Variants in ZNF804B observed in about 807,000 individuals in gnomAD.
ZNF804B encodes the protein zinc finger protein 804B.
ZNF804B carries 80 observed loss-of-function variants against 101.4 expected under a neutral mutation model. The observed-to-expected ratio is 0.79, with a 90% confidence interval of 0.66 to 0.95. The LOEUF (loss-of-function observed/expected upper bound fraction) is 0.95. Ranked by LOEUF, ZNF804B falls within the 40% of genes least tolerant of loss-of-function variation. The pLI, the probability that ZNF804B is intolerant of heterozygous loss-of-function variation, is 0.00. For missense variants in ZNF804B, 1,673 were observed against 1,561.9 expected (o/e 1.07, Z -1.20); for synonymous variants, 622 against 558.8 (o/e 1.11, Z -1.59).
rs1225774354 is a variant in ZNF804B at position 89,108,096 on chromosome 7, G to A, written c.109-110059G>A. 2.6e-5 allele frequency among the ~76,000 whole-genome samples: 4 copies of A among 152,244 alleles called. No individual in the cohort carries two copies. In the East Asian group the frequency reaches 7.7e-4, roughly 29 times the overall value. ...GAAACATCTGAACCGATTGGTAATA[G>A]AATGCAGTTTTACTGTATGAAAAAC... On this transcript the variant is annotated intron_variant, in intron 1 of 3. Coordinates refer to ENST00000333190, the MANE Select transcript of ZNF804B (RefSeq NM_181646.5).
chr7:89,250,350 T>A (rs73399130), intron 2 of ZNF804B, among the ~76,000 whole-genome samples: 17 of 152,150 alleles, frequency 1.1e-4, no homozygotes, highest in African/African-American at 4.1e-4. Flanking sequence ...ATGAATAAAT[T>A]CTTGGAATCA....
At chr7:88,816,472 C>T (rs1350456500) in intron 1 of ZNF804B, among the ~76,000 whole-genome samples, 1 of 151,906 alleles carries the variant, frequency 6.6e-6, no homozygotes, top group Non-Finnish European at 1.5e-5. Context: ...AACATTTTTG[C>T]AATCTACTCA....
In ZNF804B at chr7:88,946,950, CA is replaced by C. The variant is rs1472490031; in HGVS notation, c.108+186870del. ...CACTTGTCATTAGAGAAATGCAAAT[CA>C]AAACCATAATGAGATACCATCTCAC... is the stretch of plus-strand genomic sequence containing the variant. On this transcript the variant is annotated intron_variant, in intron 1 of 3. Transcript: ENST00000333190. 2.6e-5 allele frequency among the ~76,000 whole-genome samples: 4 copies of C among 152,056 alleles called. No individual in the cohort carries two copies. In the East Asian group the frequency reaches 5.9e-4, roughly 22 times the overall value.
chr7:88,845,623 C>T lies in ZNF804B; in HGVS notation c.108+85539C>T, dbSNP rs138396631. 6.6e-4 allele frequency among the ~76,000 whole-genome samples: 100 copies of T among 151,866 alleles called. No homozygotes were observed. In the East Asian group the frequency reaches 0.017, roughly 26 times the overall value. ...GCTACTGTTCTTCCTTGTTTTTCTG[C>T]CAAGAAAAATTTTCTTTTTTCTTTA... On this transcript the variant is annotated intron_variant, in intron 1 of 3. Coordinates refer to ENST00000333190, the MANE Select transcript of ZNF804B (RefSeq NM_181646.5).
At chr7:89,110,644 C>T (rs966456343) in intron 1 of ZNF804B, among the ~76,000 whole-genome samples, 1 of 152,076 alleles carries the variant, frequency 6.6e-6, no homozygotes, top group Admixed American at 6.6e-5. Flanking sequence ...TGAGTTTCTC[C>T]TATTATTAAC....
At chr7:89,241,380 T>C (rs1208821) in intron 2 of ZNF804B, among the ~76,000 whole-genome samples, 114,397 of 151,928 alleles carry the variant, frequency 0.75, 44,335 homozygotes, top group African/African-American at 0.91. Context: ...AACCACTACC[T>C]CTACTCCCTG....
chr7:89,191,848 T>G (rs1292656526), intron 1 of ZNF804B, among the ~76,000 whole-genome samples: 1 of 152,090 alleles, frequency 6.6e-6, no homozygotes, highest in Non-Finnish European at 1.5e-5. Context: ...GAGAGAGAAA[T>G]GTAAACTGGA....
At chr7:88,793,372 A>G (rs1272565841) in intron 1 of ZNF804B, among the ~76,000 whole-genome samples, 2 of 152,074 alleles carry the variant, frequency 1.3e-5, no homozygotes, top group Non-Finnish European at 2.9e-5. Flanking sequence ...TGGGCAGATA[A>G]TGTTTTCTGT....
intron 1 of ZNF804B, among the ~76,000 whole-genome samples, chr7:88,862,108 A>G (rs1791658754): frequency 6.6e-6 from 1 of 152,204 alleles, no homozygotes; most frequent in South Asian, 2.1e-4. Flanking sequence ...TCAGTTTAAT[A>G]GAACTTTTGG....
At chr7:88,799,174 T>A (rs1199144450) in intron 1 of ZNF804B, among the ~76,000 whole-genome samples, 1 of 152,104 alleles carries the variant, frequency 6.6e-6, no homozygotes, top group East Asian at 1.9e-4. Flanking sequence ...CAAATGCTCC[T>A]GAATAACAAA....
intron 1 of ZNF804B, among the ~76,000 whole-genome samples, chr7:88,892,656 G>C (rs1236002403): frequency 1.3e-5 from 2 of 152,098 alleles, no homozygotes; most frequent in Non-Finnish European, 2.9e-5. Context: ...TTCTGGAAAA[G>C]TCCTAGCCAT....
chr7:88,963,740 A>G (rs1403934746), intron 1 of ZNF804B, among the ~76,000 whole-genome samples: 1 of 151,318 alleles, frequency 6.6e-6, no homozygotes, highest in African/African-American at 2.4e-5. Context: ...TTTAAAGGAC[A>G]ACCTATGGAA....
chr7:89,069,325 A>G (rs1583968238), intron 1 of ZNF804B, among the ~76,000 whole-genome samples: 1 of 152,184 alleles, frequency 6.6e-6, no homozygotes, highest in East Asian at 1.9e-4. Context: ...AAACTCATGT[A>G]CCATTAAAGT....
chr7:88,924,133 C>T (rs907341661), intron 1 of ZNF804B, among the ~76,000 whole-genome samples: 3 of 151,982 alleles, frequency 2.0e-5, no homozygotes, highest in African/African-American at 7.2e-5. Flanking sequence ...TACTGTATTA[C>T]CTTCATAAAT....
chr7:89,083,715 A>C (rs1158370837), intron 1 of ZNF804B, among the ~76,000 whole-genome samples: 2 of 151,880 alleles, frequency 1.3e-5, no homozygotes, highest in African/African-American at 4.8e-5. Flanking sequence ...ACATATTGAG[A>C]CCGTTAAACT....
chr7:88,942,574 A>G (rs913294775), intron 1 of ZNF804B, among the ~76,000 whole-genome samples: 7 of 149,896 alleles, frequency 4.7e-5, no homozygotes, highest in African/African-American at 2.5e-5. Flanking sequence ...GTTCACTGAT[A>G]TATCTTTTAA....
chr7:89,262,023 G>C (rs112037676), intron 2 of ZNF804B, among the ~76,000 whole-genome samples: 17 of 152,118 alleles, frequency 1.1e-4, no homozygotes, highest in African/African-American at 3.9e-4. Flanking sequence ...TACAACTCTA[G>C]AACTTACGTA....
chr7:89,049,474 GA>G (rs1270136478), intron 1 of ZNF804B, among the ~76,000 whole-genome samples: 1 of 152,042 alleles, frequency 6.6e-6, no homozygotes, highest in Non-Finnish European at 1.5e-5. Context: ...GTTATAATGT[GA>G]ATACTTACAC....
At chr7:89,027,611 C>T (rs762789984) in intron 1 of ZNF804B, among the ~76,000 whole-genome samples, 2 of 152,108 alleles carry the variant, frequency 1.3e-5, no homozygotes, top group Non-Finnish European at 2.9e-5. Flanking sequence ...CATATTCTCT[C>T]GCTCTCCCTC....
Sources: allele counts gnomAD v4.1 joint callset (sites outside exome capture counted in the v4.1 genomes callset), GRCh38; gene constraint gnomAD v4.1.1; transcripts MANE v1.5; gene names NCBI Gene and HGNC (gene_info 2026-07-23, HGNC 2026-07-21).